Variants in RIF1 observed in about 807,000 individuals in gnomAD.
The protein encoded by RIF1 is telomere-associated protein RIF1.
Under a neutral mutation model 247.1 loss-of-function variants are expected in RIF1, and 45 were observed. That is an observed-to-expected ratio of 0.18 (90% CI 0.14 to 0.23). The LOEUF is 0.23. RIF1 is among the 10% of genes least tolerant of loss of function. The probability of loss-of-function intolerance (pLI) is 1.00; values close to 1 mark genes in which losing one functional copy is unlikely to be tolerated. For synonymous variants in RIF1, 1,087 were observed against 978.8 expected (o/e 1.11, Z -2.06); for missense variants, 2,967 against 2,862.5 (o/e 1.04, Z -0.83).
At chr2:151,496,886 C>T in intron 10 of RIF1, 2 of 1,463,458 alleles carry the variant, frequency 1.4e-6, no homozygotes, top group Non-Finnish European at 9.3e-7. Flanking sequence ...TATTTTAAAT[C>T]ATGAAATAGT....
At chr2:151,449,889 C>T (rs1693980890) in intron 20 of RIF1, among the ~76,000 whole-genome samples, 1 of 147,122 alleles carries the variant, frequency 6.8e-6, no homozygotes, top group Admixed American at 7.0e-5. Flanking sequence ...GTTGTCCAGG[C>T]TGGAGTGCAG....
intron 10 of RIF1, chr2:151,497,154 G>A (rs1219548742): frequency 4.5e-6 from 6 of 1,331,130 alleles, no homozygotes; most frequent in Admixed American, 2.6e-5. Flanking sequence ...GGAGCCAGAA[G>A]TTATATGCTG....
the RIF1 span, among the ~76,000 whole-genome samples, chr2:151,533,134 GGAATC>G: frequency 6.6e-6 from 1 of 152,210 alleles, no homozygotes; most frequent in East Asian, 1.9e-4. Context: ...CAATCTCTAA[GGAATC>G]TATTTCTTTG....
Position 151,481,958 on chromosome 2 carries a change from C to T in RIF1, c.*6887C>T, listed in dbSNP as rs1215171276. ...CTGTTGAAAAAAGGTTAGGGGACCA[C>T]TGCTTTATACAGTGTTTGAAGTAGG... is the stretch of plus-strand genomic sequence containing the variant. On this transcript the variant is annotated 3_prime_UTR_variant, in exon 36 of 36. Transcript: ENST00000444746. 1 of 152,232 alleles carries T rather than the reference C, an allele frequency of 6.6e-6. No individual in the cohort carries two copies. The highest frequency in any genetic ancestry group is 2.4e-5 in the African/African-American group (1 of 41,464). The allele number at this position is 152,232 out of a possible 1,614,324, so 9.4% of individuals were successfully genotyped here.
intron 33 of RIF1, 44 bp downstream of exon 33, chr2:151,468,800 C>G: frequency 7.5e-7 from 1 of 1,331,894 alleles, no homozygotes; most frequent in East Asian, 2.3e-5. Context: ...CAAGATGCCA[C>G]TTATTTAAGA....
chr2:151,503,004 G>A, intron 11 of RIF1: 1 of 641,038 alleles, frequency 1.6e-6, no homozygotes, highest in South Asian at 1.9e-5. Flanking sequence ...GTAATATTTA[G>A]TAAGGATAAT....
the RIF1 span, chr2:151,513,537 C>T: frequency 7.0e-7 from 1 of 1,419,062 alleles, no homozygotes; most frequent in South Asian, 1.2e-5. Context: ...CTTAAAGTTA[C>T]AACTACTTTC....
intron 9 of RIF1, among the ~76,000 whole-genome samples, chr2:151,431,204 C>A (rs2152301331): frequency 6.6e-6 from 1 of 152,284 alleles, no homozygotes; most frequent in South Asian, 2.1e-4. Flanking sequence ...TTTTACTCTG[C>A]CATCTTTGAT....
At chr2:151,483,459 T>C (rs952318639), downstream of RIF1, 6 of 152,020 alleles carry the variant, frequency 3.9e-5, no homozygotes, top group African/African-American at 1.5e-4. Context: ...AGTGCATTGG[T>C]TTGGTGGAGA....
chr2:151,520,851 A>G, the RIF1 span, among the ~76,000 whole-genome samples: 1 of 150,876 alleles, frequency 6.6e-6, no homozygotes, highest in African/African-American at 2.5e-5. Flanking sequence ...GCAACAGAGC[A>G]AGACCCTGTC....
intron 13 of RIF1, among the ~76,000 whole-genome samples, chr2:151,506,733 A>T (rs971573799): frequency 6.6e-6 from 1 of 152,118 alleles, no homozygotes; most frequent in Non-Finnish European, 1.5e-5. Flanking sequence ...AGTTATTTCA[A>T]ATGGTCTCTG....
At chr2:151,443,747 C>A in intron 18 of RIF1, 38 bp downstream of exon 18, 1 of 1,310,166 alleles carries the variant, frequency 7.6e-7, no homozygotes, top group Non-Finnish European at 1.0e-6. Context: ...GGATAATAGA[C>A]CTTTTTTTTT....
At chr2:151,416,932 A>C in intron 6 of RIF1, 31 bp downstream of exon 6, 3 of 1,525,056 alleles carry the variant, frequency 2.0e-6, no homozygotes, top group Non-Finnish European at 2.7e-6. Flanking sequence ...CAAATTGAAG[A>C]ATAGTTTTCA....
At chr2:151,513,636 C>T in the RIF1 span, 47 of 1,610,306 alleles carry the variant, frequency 2.9e-5, no homozygotes, top group Non-Finnish European at 3.9e-5. Flanking sequence ...GTTTCATTGG[C>T]CATGGCATTC....
In RIF1 at chr2:151,497,743, A is replaced by AAAAC. The variant is rs556189491; in HGVS notation, c.*514-1599_*514-1596dup. 38 of 1,558,640 alleles carry AAAAC rather than the reference A, an allele frequency of 2.4e-5. No homozygotes were observed. In the South Asian group the frequency reaches 3.6e-4, roughly 15 times the overall value. On this transcript the variant is annotated intron_variant and NMD_transcript_variant, in intron 10 of 13. Coordinates refer to the RIF1 transcript ENST00000454583. ...CCTGTGCGATAAGAAAGCATCCAGAAAAACAACCATGAGTAACATTTCATT... is the reference window on the plus strand; with the variant it reads ...CCTGTGCGATAAGAAAGCATCCAGAAAAACAAACAACCATGAGTAACATTTCATT...
At chr2:151,532,004 C>G in the RIF1 span, 1 of 655,024 alleles carries the variant, frequency 1.5e-6, no homozygotes, top group Non-Finnish European at 2.6e-6. Flanking sequence ...CTAGCTTTCT[C>G]TTTAATTCCT....
chr2:151,472,002 G>A (rs961589940), intron 34 of RIF1, among the ~76,000 whole-genome samples: 1 of 152,144 alleles, frequency 6.6e-6, no homozygotes, highest in African/African-American at 2.4e-5. Context: ...CTATCCATGA[G>A]CATGGAATGT....
rs1690994552 is a variant in RIF1, at chr2:151,435,467, G to T, written c.1082G>T (p.Cys361Phe). 1 of 1,593,110 alleles carries T rather than the reference G, an allele frequency of 6.3e-7. No homozygotes were observed. The highest frequency in any genetic ancestry group is 8.6e-7 in the Non-Finnish European group (1 of 1,161,256). Residue 361 changes from cysteine to phenylalanine, a missense_variant, in exon 11 of 36, where the codon TGT becomes TTT. Physicochemically the swap from Cys to Phe is radical, Grantham distance 205 (BLOSUM62 -2). Coordinates refer to ENST00000444746, the MANE Select transcript of RIF1 (RefSeq NM_018151.5). Reference protein sequence around the residue: ...PHLPANFEQVCVPLIQSTISI... With the variant: ...PHLPANFEQVFVPLIQSTISI... ...ATGTTTTCTTTTACCCCATAGGTTT[G>T]TGTGCCTCTGATTCAAAGTACAATA...
chr2:151,412,780 G>C (rs913106238), intron 3 of RIF1, among the ~76,000 whole-genome samples: 8 of 152,036 alleles, frequency 5.3e-5, no homozygotes, highest in East Asian at 3.9e-4. Context: ...ACCGTGCCCA[G>C]CCGTGTGCCT....
Sources: allele counts gnomAD v4.1 joint callset (sites outside exome capture counted in the v4.1 genomes callset), GRCh38; gene constraint gnomAD v4.1.1; transcripts MANE v1.5; gene names NCBI Gene and HGNC (gene_info 2026-07-23, HGNC 2026-07-21).